Variants in PTPRG observed in about 807,000 individuals in gnomAD.
The protein encoded by PTPRG is protein tyrosine phosphatase receptor type G.
Under a neutral mutation model 165.3 loss-of-function variants are expected in PTPRG, and 102 were observed. The observed-to-expected ratio is 0.62, with a 90% confidence interval of 0.53 to 0.73. The LOEUF is 0.73. Among genes scored for constraint, PTPRG ranks in the 30% least tolerant of loss-of-function variants. The pLI, the probability that PTPRG is intolerant of heterozygous loss-of-function variation, is 0.00. For missense variants in PTPRG, 1,866 were observed against 1,861.4 expected (o/e 1.00, Z -0.05); for synonymous variants, 675 against 669.5 (o/e 1.01, Z -0.13).
chr3:62,270,893 A>C (rs2148872262), intron 20 of PTPRG, among the ~76,000 whole-genome samples: 1 of 152,322 alleles, frequency 6.6e-6, no homozygotes, highest in South Asian at 2.1e-4. Flanking sequence ...CTGACTCTAA[A>C]GACAGAAGTA....
At chr3:61,832,085 C>T (rs747306223) in intron 2 of PTPRG, among the ~76,000 whole-genome samples, 4 of 152,082 alleles carry the variant, frequency 2.6e-5, no homozygotes, top group Non-Finnish European at 5.9e-5. Context: ...AAAATTATAT[C>T]TGCCAAAATA....
At chr3:62,005,690 CTTTTTTTTTTTT>C (rs35487954) in intron 4 of PTPRG, among the ~76,000 whole-genome samples, 2 of 60,304 alleles carry the variant, frequency 3.3e-5, no homozygotes, top group African/African-American at 7.6e-5. Flanking sequence ...CATTAATATC[CTTTTTTTTTTTT>C]TTTTTTTTTT....
intron 9 of PTPRG, among the ~76,000 whole-genome samples, 187 bp from the exon 10 acceptor site, chr3:62,194,875 G>A (rs1169851103): frequency 1.3e-5 from 2 of 152,100 alleles, no homozygotes; most frequent in African/African-American, 4.8e-5. Context: ...CAGGTTCCCA[G>A]GGAAGCTCAT....
chr3:61,978,894 G>T (rs7629721), intron 2 of PTPRG, among the ~76,000 whole-genome samples: 70,083 of 151,990 alleles, frequency 0.46, 16,935 homozygotes, highest in African/African-American at 0.63. Context: ...TTGGAGCATG[G>T]TTTAGTCCCG....
At chr3:62,201,219 C>G (rs754650369) in intron 10 of PTPRG, among the ~76,000 whole-genome samples, 2 of 152,130 alleles carry the variant, frequency 1.3e-5, no homozygotes, top group Non-Finnish European at 1.5e-5. Flanking sequence ...GCTTTTACCT[C>G]AATAAAACAG....
intron 2 of PTPRG, chr3:61,749,645 A>C (rs1040232993): frequency 3.9e-5 from 6 of 154,358 alleles, no homozygotes; most frequent in African/African-American, 1.4e-4. Flanking sequence ...TAGGCTTCCC[A>C]AAACTCCCAA....
chr3:61,570,288 C>T (rs184470125), intron 1 of PTPRG, among the ~76,000 whole-genome samples: 1 of 151,620 alleles, frequency 6.6e-6, no homozygotes, highest in Admixed American at 6.6e-5. Flanking sequence ...CTGAAATCAG[C>T]ATGATATTTT....
chr3:61,975,226 C>T (rs1161072425), intron 2 of PTPRG, among the ~76,000 whole-genome samples: 1 of 152,132 alleles, frequency 6.6e-6, no homozygotes, highest in African/African-American at 2.4e-5. Context: ...GGGGAATGAT[C>T]TTGGACAGGT....
intron 2 of PTPRG, among the ~76,000 whole-genome samples, chr3:61,937,847 T>A (rs1235533276): frequency 6.6e-6 from 1 of 152,148 alleles, no homozygotes; most frequent in Non-Finnish European, 1.5e-5. Flanking sequence ...TTAAGCACAA[T>A]TTTTCACCCT....
In PTPRG at chr3:61,562,013, A is replaced by G. The variant is rs1699767346; in HGVS notation, c.-275A>G. On this transcript the variant is annotated 5_prime_UTR_variant, in exon 1 of 30. Transcript: ENST00000474889. The stretch of plus-strand genomic sequence containing the variant: ...GGCCGCCGACTCCGCGCCCTGCCCG[A>G]TCGGCTCTCTCCTTTTTAAACGGAA... The G allele has an allele frequency of 3.1e-6, 1 of 326,460 alleles. No individual in the cohort carries two copies. The highest frequency in any genetic ancestry group is 2.2e-5 in the African/African-American group (1 of 45,548). 20.2% of individuals were successfully genotyped at this position (326,460 alleles called of 1,614,324 possible).
chr3:61,737,920 T>TTG (rs935463016), intron 1 of PTPRG, among the ~76,000 whole-genome samples: 8 of 150,694 alleles, frequency 5.3e-5, no homozygotes, highest in Non-Finnish European at 1.2e-4. Context: ...TTTTGTTTTT[T>TTG]TTTTTTAAGA....
chr3:61,636,326 C>G (rs1701908019), intron 1 of PTPRG, among the ~76,000 whole-genome samples: 2 of 152,146 alleles, frequency 1.3e-5, no homozygotes, highest in African/African-American at 4.8e-5. Context: ...TAGCAGTTAC[C>G]TATTTTCGTT....
At chr3:61,647,029 C>T (rs113947001) in intron 1 of PTPRG, among the ~76,000 whole-genome samples, 141 of 152,200 alleles carry the variant, frequency 9.3e-4, no homozygotes, top group African/African-American at 3.3e-3. Context: ...CTGGGCTTTT[C>T]CTAGTTTGGG....
chr3:61,791,893 GT>G (rs922988189), intron 2 of PTPRG, among the ~76,000 whole-genome samples: 2 of 152,190 alleles, frequency 1.3e-5, no homozygotes, highest in Non-Finnish European at 2.9e-5. Context: ...CAGAGGTATC[GT>G]TTATTAGTGA....
At chr3:61,592,675 G>A (rs1380767481) in intron 1 of PTPRG, among the ~76,000 whole-genome samples, 1 of 145,630 alleles carries the variant, frequency 6.9e-6, no homozygotes, top group African/African-American at 2.6e-5. Flanking sequence ...AAGAAAGGGG[G>A]TGATCTGTCT....
At chr3:61,671,443 C>T (rs1222644033) in intron 1 of PTPRG, among the ~76,000 whole-genome samples, 2 of 151,558 alleles carry the variant, frequency 1.3e-5, no homozygotes, top group African/African-American at 4.9e-5. Flanking sequence ...TTTCAGAGAG[C>T]ACAGGGTTGG....
In PTPRG at chr3:62,192,393, CTTTTTTTTTTTTT is replaced by C. The variant is rs71123255; in HGVS notation, c.1218+761_1218+773del. Among the ~76,000 whole-genome samples, 49 of 52,614 alleles carry C rather than the reference CTTTTTTTTTTTTT, an allele frequency of 9.3e-4. 1 individual carries two copies. Among genetic ancestry groups the C allele is most frequent in the South Asian group, 3.1e-3 (3 of 978 alleles). The allele number at this position is 52,614 out of a possible 152,430, so 34.5% of individuals were successfully genotyped here. On this transcript the variant is annotated intron_variant, in intron 9 of 29. Transcript: ENST00000474889. ...ATAAAGCAAACTCCACAACTACTGT[CTTTTTTTTTTTTT>C]TTTTTTTTTTTTTTTTTTTTGAGAC...
At chr3:61,879,348 A>T (rs1478927897) in intron 2 of PTPRG, among the ~76,000 whole-genome samples, 1 of 152,200 alleles carries the variant, frequency 6.6e-6, no homozygotes, top group Non-Finnish European at 1.5e-5. Flanking sequence ...ATATAGGAAC[A>T]TGGGAGTCTT....
At chr3:62,168,539 C>T (rs1394267041) in intron 8 of PTPRG, among the ~76,000 whole-genome samples, 1 of 152,146 alleles carries the variant, frequency 6.6e-6, no homozygotes, top group Non-Finnish European at 1.5e-5. Flanking sequence ...TCCCTGACCC[C>T]ACTCCCCGCT....
Sources: allele counts gnomAD v4.1 joint callset (sites outside exome capture counted in the v4.1 genomes callset), GRCh38; gene constraint gnomAD v4.1.1; transcripts MANE v1.5; gene names NCBI Gene and HGNC (gene_info 2026-07-23, HGNC 2026-07-21).